The following RASA4 variants were observed in gnomAD, a reference collection of about 807,000 sequenced individuals.
RASA4 encodes the protein RAS p21 protein activator 4.
A neutral mutation model predicts 24.0 loss-of-function variants in RASA4; 5 were observed. That is an observed-to-expected ratio of 0.21 (90% CI 0.11 to 0.44). The LOEUF is 0.44. RASA4 is among the 20% of genes least tolerant of loss of function. The pLI is 0.99. For missense variants in RASA4, 38 were observed against 293.0 expected (o/e 0.13, Z 6.35); for synonymous variants, 9 against 132.7 (o/e 0.07, Z 6.41).
chr7:102,606,411 A>AT (rs2133480822), intron 4 of RASA4, among the ~76,000 whole-genome samples: 1 of 131,528 alleles, frequency 7.6e-6, no homozygotes, highest in South Asian at 2.8e-4. Context: ...AAAAAAAAAA[A>AT]AAAAAAAAAA....
chr7:102,590,881 G>A (rs201260297), intron 16 of RASA4, among the ~76,000 whole-genome samples: 7 of 130,696 alleles, frequency 5.4e-5, no homozygotes, highest in South Asian at 2.3e-4. Context: ...CGGAGGTTGC[G>A]GTGAGCCAAG....
intron 4 of RASA4, among the ~76,000 whole-genome samples, chr7:102,606,635 T>C (rs1790683195): frequency 1.2e-5 from 1 of 83,148 alleles, no homozygotes; most frequent in South Asian, 3.5e-4. Flanking sequence ...GATTGCGCCA[T>C]TGCACTCCAG....
Position 102,610,657 on chromosome 7 carries a change from T to C in RASA4, c.122+429A>G, listed in dbSNP as rs201254404. ...GGCTCCAGTGTGGCTCTGCCACTTT[T>C]ACTAGGCATGTGACCTTGGCCAGGG... is the stretch of plus-strand genomic sequence containing the variant. On this transcript the variant is annotated intron_variant, in intron 2 of 20. Transcript: ENST00000262940. 4.6e-5 allele frequency among the ~76,000 whole-genome samples: 7 copies of C among 152,088 alleles called. No individual in the cohort carries two copies. In the East Asian group the frequency reaches 1.2e-3, roughly 25 times the overall value.
At chr7:102,589,932 C>A (rs1789885803) in intron 17 of RASA4, among the ~76,000 whole-genome samples, 1 of 94,874 alleles carries the variant, frequency 1.1e-5, no homozygotes, top group African/African-American at 3.9e-5. Context: ...CAGGCCACTC[C>A]CATAGCACCC....
chr7:102,597,622 C>T (rs1435484651), intron 8 of RASA4, among the ~76,000 whole-genome samples: 16 of 133,638 alleles, frequency 1.2e-4, no homozygotes, highest in African/African-American at 3.8e-4. Flanking sequence ...GACGGGATTT[C>T]ACCATGTTGG....
At position 102,605,967 on chromosome 7, in the gene RASA4, G is replaced by C; in HGVS notation, c.319C>G (p.Leu107Val). Residue 107 changes from leucine (L) to valine (V), a missense_variant, in exon 5 of 21, where the codon CTG becomes GTG. Coordinates refer to ENST00000262940, the MANE Select transcript of RASA4 (RefSeq NM_006989.6). ...HPKGFSGWAH[L>V]TEVDPDEEVQ... is the part of the protein sequence containing the mutation. ...TCCTCATCGGGGTCGACCTCCGTCA[G>C]GTGGGCCCACCCGCTGAAACCTGTG... 1.2e-6 allele frequency: 2 copies of C among 1,609,990 alleles called. No individual in the cohort carries two copies. Among genetic ancestry groups the C allele is most frequent in the Non-Finnish European group, 1.7e-6 (2 of 1,179,236 alleles).
At chr7:102,599,524 C>T (rs1476003945) in intron 8 of RASA4, among the ~76,000 whole-genome samples, 2 of 89,824 alleles carry the variant, frequency 2.2e-5, no homozygotes, top group Admixed American at 1.2e-4. Context: ...GTAGTCCCAG[C>T]TACTTGGGAG....
chr7:102,603,878 A>C (rs1439473511), intron 5 of RASA4, among the ~76,000 whole-genome samples: 2 of 149,242 alleles, frequency 1.3e-5, no homozygotes, highest in Middle Eastern at 3.5e-3. Flanking sequence ...AAAAAAAAAA[A>C]CAGCCCGGGT....
chr7:102,603,720 C>G, intron 5 of RASA4, among the ~76,000 whole-genome samples: 1 of 152,382 alleles, frequency 6.6e-6, no homozygotes. Context: ...CCTATAATCC[C>G]AGCACTTTGG....
intron 16 of RASA4, among the ~76,000 whole-genome samples, chr7:102,591,129 AG>A (rs1789979430): frequency 9.8e-6 from 1 of 102,122 alleles, no homozygotes; most frequent in African/African-American, 4.7e-5. Flanking sequence ...CAAAAAAAAA[AG>A]TTAAAGAAAA....
chr7:102,591,820 C>G, intron 16 of RASA4, among the ~76,000 whole-genome samples: 1 of 146,378 alleles, frequency 6.8e-6, no homozygotes, highest in Non-Finnish European at 1.5e-5. Context: ...AAGGTCGGAT[C>G]AACTTCCTCC....
At chr7:102,591,011 G>C (rs1586837313) in intron 16 of RASA4, among the ~76,000 whole-genome samples, 1 of 142,904 alleles carries the variant, frequency 7.0e-6, no homozygotes, top group East Asian at 2.1e-4. Context: ...CCCTGGCAAG[G>C]AAGATGTATA....
At chr7:102,612,097 C>G (rs1183328966) in intron 1 of RASA4, 1 of 156,232 alleles carries the variant, frequency 6.4e-6, no homozygotes, top group Non-Finnish European at 1.4e-5. Context: ...TGCTCCTGCT[C>G]TCCCCAACAC....
At chr7:102,611,996 C>G (rs1790865155) in intron 1 of RASA4, 1 of 122,932 alleles carries the variant, frequency 8.1e-6, no homozygotes, top group South Asian at 3.4e-4. Flanking sequence ...CTGCCTCCCC[C>G]CAGAACAGCT....
At chr7:102,610,629 T>G (rs1790803073) in intron 2 of RASA4, among the ~76,000 whole-genome samples, 1 of 152,000 alleles carries the variant, frequency 6.6e-6, no homozygotes, top group Non-Finnish European at 1.5e-5. Flanking sequence ...GTGGCCAGAC[T>G]TGGGCTCCAG....
chr7:102,613,429 GCTTCC>G, intron 1 of RASA4, among the ~76,000 whole-genome samples: 1 of 97,094 alleles, frequency 1.0e-5, no homozygotes, highest in South Asian at 4.6e-4. Context: ...GGCTGCTACT[GCTTCC>G]AAAGGCCTGG....
Position 102,579,660 on chromosome 7 carries a change from T to C in RASA4, c.*3111A>G. On this transcript the variant is annotated 3_prime_UTR_variant, in exon 21 of 21. Transcript: ENST00000262940. ...ACCAGGCCATGTATACTTTTTAAGC[T>C]TTTTTATTCTTGAAAAGTTCAAAGA... is the stretch of plus-strand genomic sequence containing the variant. The C allele has an allele frequency of 1.2e-5, 3 of 253,314 alleles. No individual in the cohort carries two copies. Among genetic ancestry groups the C allele is most frequent in the South Asian group, 4.6e-5 (2 of 43,510 alleles). The allele number at this position is 253,314 out of a possible 1,614,324, so 15.7% of individuals were successfully genotyped here.
chr7:102,597,756 C>T lies in RASA4; in HGVS notation c.738-1627G>A, dbSNP rs1331758143. Among the ~76,000 whole-genome samples the T allele has an allele frequency of 7.6e-5, 10 of 132,258 alleles. No individual in the cohort carries two copies. In the East Asian group the frequency reaches 9.3e-4, roughly 12 times the overall value. 86.8% of individuals were successfully genotyped at this position (132,258 alleles called of 152,430 possible). A position where few individuals can be genotyped will look rare whatever the true frequency, so the allele number is the denominator to read the frequency against. On this transcript the variant is annotated intron_variant, in intron 8 of 20. Coordinates refer to ENST00000262940, the MANE Select transcript of RASA4 (RefSeq NM_006989.6). ...TGAGACGGAGTTTCGCTCTTGTCAC[C>T]GAGGCTGGAGTGCAGTGGTGGGATC...
At position 102,606,764 on chromosome 7, in the gene RASA4, T is replaced by C. The variant is rs1179981225; in HGVS notation, c.299-777A>G. ...AAGCCATCCTCCCACCTCAGCCTCC[T>C]AAGGTGCTGCGATTATAAGTGTGGG... On this transcript the variant is annotated intron_variant, in intron 4 of 20. Transcript: ENST00000262940. Among the ~76,000 whole-genome samples the C allele has an allele frequency of 3.2e-3, 195 of 61,522 alleles. No homozygotes were observed. The Middle Eastern group carries it at 0.038, about 12-fold the overall frequency. The allele number at this position is 61,522 out of a possible 152,430, so 40.4% of individuals were successfully genotyped here.
Sources: gnomAD v4.1 joint callset for allele counts (sites outside exome capture counted in the v4.1 genomes callset) on GRCh38, gnomAD v4.1.1 for gene constraint, MANE v1.5 for transcripts, NCBI Gene and HGNC (gene_info 2026-07-23, HGNC 2026-07-21) for gene names.